UBR2: variants seen among roughly 807,000 people sequenced by gnomAD.
UBR2 encodes the protein E3 ubiquitin-protein ligase UBR2.
Under a neutral mutation model 247.9 loss-of-function variants are expected in UBR2, and 92 were observed. The ratio of observed to expected loss-of-function variants is 0.37; its 90% CI spans 0.31 to 0.44. The LOEUF (loss-of-function observed/expected upper bound fraction) is 0.44. UBR2 is among the 20% of genes least tolerant of loss of function. The pLI is 1.00. For synonymous variants in UBR2, 672 were observed against 693.5 expected (o/e 0.97, Z 0.49); for missense variants, 1,613 against 2,112.6 (o/e 0.76, Z 4.64).
chr6:42,602,497 C>T (rs62414619), intron 4 of UBR2, among the ~76,000 whole-genome samples: 11,278 of 152,000 alleles, frequency 0.074, 522 homozygotes, highest in South Asian at 0.12. Context: ...CCACTGCACC[C>T]GGCCGCCCAT....
At chr6:42,618,561 G>A (rs1794702675) in intron 11 of UBR2, among the ~76,000 whole-genome samples, 1 of 152,130 alleles carries the variant, frequency 6.6e-6, no homozygotes, top group African/African-American at 2.4e-5. Context: ...CCAAATTAAG[G>A]ATTTTTGCAT....
intron 4 of UBR2, among the ~76,000 whole-genome samples, chr6:42,596,930 G>A (rs892985581): frequency 6.6e-6 from 1 of 152,138 alleles, no homozygotes; most frequent in Non-Finnish European, 1.5e-5. Context: ...TATAATAAAT[G>A]TACCAAGTAC....
chr6:42,613,669 A>G (rs927013366), intron 8 of UBR2, among the ~76,000 whole-genome samples: 2 of 152,078 alleles, frequency 1.3e-5, no homozygotes, highest in African/African-American at 4.8e-5. Context: ...GTGTTGTGCT[A>G]CAGTATTACT....
In UBR2 at chr6:42,661,020, G is replaced by A. The variant is rs192554863; in HGVS notation, c.3443-1164G>A. ...TTAAAAAAAAAAAAAAAGGCCAGGC[G>A]CAGTGGCTCATGTCTGTAATCCCAG... On this transcript the variant is annotated intron_variant, in intron 30 of 46. Coordinates refer to ENST00000372901, the MANE Select transcript of UBR2 (RefSeq NM_001363705.2). Among the ~76,000 whole-genome samples, 97 of 147,640 alleles carry A rather than the reference G, an allele frequency of 6.6e-4. No individual in the cohort carries two copies. The East Asian group carries it at 0.018, about 27-fold the overall frequency.
In UBR2 at chr6:42,564,359, C is replaced by A. The variant is rs146664765; in HGVS notation, c.40C>A (p.Arg14=). The A allele has an allele frequency of 4.6e-5, 74 of 1,612,144 alleles. No homozygotes were observed. In the African/African-American group the frequency reaches 8.0e-4, roughly 17 times the overall value. Residue 14 remains arginine (R), a synonymous_variant, in exon 1 of 47, where the codon CGG becomes AGG. Coordinates refer to ENST00000372901, the MANE Select transcript of UBR2 (RefSeq NM_001363705.2). The part of the protein sequence containing the change: ...ELEPEVQAID[R]SLLECSAEEI... The stretch of plus-strand genomic sequence containing the variant: ...AGAGCCAGAGGTGCAGGCCATCGAC[C>A]GGAGCTTGCTGGAATGTTCGGCCGA...
chr6:42,658,978 C>A (rs1797609783), intron 29 of UBR2, among the ~76,000 whole-genome samples, 154 bp downstream of exon 29: 1 of 152,072 alleles, frequency 6.6e-6, no homozygotes, highest in Non-Finnish European at 1.5e-5. Context: ...AAGATTTAAT[C>A]TTAGAAGTCT....
intron 11 of UBR2, among the ~76,000 whole-genome samples, chr6:42,622,447 G>A (rs1193871999): frequency 1.3e-4 from 19 of 148,272 alleles, no homozygotes; most frequent in Non-Finnish European, 3.0e-5. Flanking sequence ...TGTTCCCCAC[G>A]CTGGAGTGCA....
chr6:42,655,990 G>A (rs985587102), intron 26 of UBR2, among the ~76,000 whole-genome samples: 6 of 152,050 alleles, frequency 3.9e-5, no homozygotes, highest in Non-Finnish European at 8.8e-5. Flanking sequence ...AAAAATTATA[G>A]GGGATTAGAT....
intron 9 of UBR2, among the ~76,000 whole-genome samples, 164 bp from the exon 10 acceptor site, chr6:42,615,838 C>T (rs753673679): frequency 1.2e-4 from 18 of 151,756 alleles, no homozygotes; most frequent in Non-Finnish European, 2.2e-4. Flanking sequence ...GCAGGAGGAT[C>T]GCGTGAGCCC....
intron 2 of UBR2, among the ~76,000 whole-genome samples, chr6:42,583,902 T>G (rs1792078152): frequency 6.6e-6 from 1 of 152,120 alleles, no homozygotes; most frequent in African/African-American, 2.4e-5. Context: ...AAACTAAATT[T>G]TTTATATGGC....
chr6:42,678,349 A>T (rs1437682378), intron 40 of UBR2, among the ~76,000 whole-genome samples, 190 bp from the exon 41 acceptor site: 1 of 152,208 alleles, frequency 6.6e-6, no homozygotes, highest in Admixed American at 6.5e-5. Flanking sequence ...AAATTTAATA[A>T]CAGCATTGGA....
intron 2 of UBR2, among the ~76,000 whole-genome samples, chr6:42,590,371 A>T (rs1792578125): frequency 6.6e-6 from 1 of 152,228 alleles, no homozygotes; most frequent in Non-Finnish European, 1.5e-5. Flanking sequence ...AATGATAGCT[A>T]AATGAGGACA....
At chr6:42,607,004 G>A (rs1325551099) in intron 7 of UBR2, among the ~76,000 whole-genome samples, 1 of 151,950 alleles carries the variant, frequency 6.6e-6, no homozygotes, top group African/African-American at 2.4e-5. Context: ...GTTGTTTCTT[G>A]GTACCTTATG....
intron 21 of UBR2, among the ~76,000 whole-genome samples, chr6:42,646,241 TA>T (rs1416366245): frequency 6.6e-6 from 1 of 152,222 alleles, no homozygotes; most frequent in African/African-American, 2.4e-5. Context: ...ATGTTTGCCC[TA>T]ATTTGAAACA....
chr6:42,634,651 C>G lies in UBR2; in HGVS notation c.1546-767C>G, dbSNP rs531757103. On this transcript the variant is annotated intron_variant, in intron 13 of 46. Transcript: ENST00000372901. ...TGTATTGTTAGTAGAGACAGGGTTT[C>G]GCCATGTTGGCCAGGCTGGTCTTGA... is the stretch of plus-strand genomic sequence containing the variant. 4.6e-5 allele frequency among the ~76,000 whole-genome samples: 7 copies of G among 152,276 alleles called. No homozygotes were observed. In the East Asian group the frequency reaches 7.7e-4, roughly 17 times the overall value.
chr6:42,670,017 A>G (rs1489383937), intron 34 of UBR2, 75 bp from the exon 35 acceptor site: 1 of 1,517,166 alleles, frequency 6.6e-7, no homozygotes, highest in African/African-American at 1.4e-5. Flanking sequence ...TATAGCAAAG[A>G]GCTGTTAAGA....
Position 42,644,346 on chromosome 6 carries a change from T to C in UBR2, c.2220+10T>C, listed in dbSNP as rs756508385. The C allele has an allele frequency of 6.2e-7, 1 of 1,609,908 alleles. No homozygotes were observed. Among genetic ancestry groups the C allele is most frequent in the African/African-American group, 1.3e-5 (1 of 74,652 alleles). On this transcript the variant is annotated intron_variant, in intron 19 of 46. Transcript: ENST00000372901. Reference sequence around the variant, plus strand: ...TGAGATTACCCATAAGGTAAGAACGTGTTTTATGAAACCACAACACATTGC... The same window carrying C: ...TGAGATTACCCATAAGGTAAGAACGCGTTTTATGAAACCACAACACATTGC...
At chr6:42,661,110 A>G (rs995653189) in intron 30 of UBR2, among the ~76,000 whole-genome samples, 1 of 151,732 alleles carries the variant, frequency 6.6e-6, no homozygotes, top group Non-Finnish European at 1.5e-5. Context: ...TGGCTAACAC[A>G]GTGAAACCCC....
rs1554251969 is a variant in UBR2, at chr6:42,619,453, ATTTT to A, written c.1281+1955_1281+1958del. On this transcript the variant is annotated intron_variant, in intron 11 of 46. Transcript: ENST00000372901. The stretch of plus-strand genomic sequence containing the variant: ...TATATATATATATATATATATATAT[ATTTT>A]TTTTTTTTAGTTCTCTATCTCTGCT... 68 of 23,832 alleles carry A rather than the reference ATTTT, an allele frequency of 2.9e-3. 2 individuals carry two copies. The highest frequency in any genetic ancestry group is 8.2e-3 in the East Asian group (5 of 608). 1.5% of individuals were successfully genotyped at this position (23,832 alleles called of 1,614,324 possible).
Sources: allele counts gnomAD v4.1 joint callset (sites outside exome capture counted in the v4.1 genomes callset), GRCh38; gene constraint gnomAD v4.1.1; transcripts MANE v1.5; gene names NCBI Gene and HGNC (gene_info 2026-07-23, HGNC 2026-07-21).